Variants in ADGRG6 observed in about 807,000 individuals in gnomAD.
The protein encoded by ADGRG6 is G-protein coupled receptor 126.
ADGRG6 carries 84 observed loss-of-function variants against 142.4 expected under a neutral mutation model. That is an observed-to-expected ratio of 0.59 (90% CI 0.49 to 0.71). The LOEUF (loss-of-function observed/expected upper bound fraction) is 0.71, where lower values mean the gene tolerates loss of function less well. ADGRG6 is among the 30% of genes least tolerant of loss of function. The probability of loss-of-function intolerance (pLI) is 0.00; values close to 1 mark genes in which losing one functional copy is unlikely to be tolerated. For synonymous variants in ADGRG6, 521 were observed against 520.5 expected, an observed-to-expected ratio of 1.00 and a Z score of -0.01; for missense variants, 1,367 against 1,466.6, an observed-to-expected ratio of 0.93 and a Z score of 1.11.
Position 142,325,956 on chromosome 6 carries a change from G to GA in ADGRG6, c.103+16320dup, listed in dbSNP as rs547227173. Among the ~76,000 whole-genome samples the GA allele has an allele frequency of 6.7e-4, 101 of 151,246 alleles. No homozygotes were observed. In the East Asian group the frequency reaches 0.015, roughly 22 times the overall value. On this transcript the variant is annotated intron_variant, in intron 2 of 24. Coordinates refer to ENST00000367609, the MANE Select transcript of ADGRG6 (RefSeq NM_198569.3). ...TATTCATTTAAAACTATGTAAGGTAGAAAAAAAACCCACCTAAAATCTCAG... is the reference window on the plus strand; with the variant it reads ...TATTCATTTAAAACTATGTAAGGTAGAAAAAAAAACCCACCTAAAATCTCAG...
At chr6:142,442,885 A>G (rs1777825044) in intron 24 of ADGRG6, among the ~76,000 whole-genome samples, 1 of 152,072 alleles carries the variant, frequency 6.6e-6, no homozygotes, top group Non-Finnish European at 1.5e-5. Flanking sequence ...GCCCCTTGTA[A>G]CCATCAATTT....
chr6:142,440,007 A>G (rs149167567), intron 24 of ADGRG6, among the ~76,000 whole-genome samples: 2 of 152,304 alleles, frequency 1.3e-5, no homozygotes, highest in East Asian at 3.9e-4. Context: ...TCAGTTATTA[A>G]TGAATAGGAA....
chr6:142,305,077 A>G (rs1777416774), intron 1 of ADGRG6, among the ~76,000 whole-genome samples: 2 of 152,332 alleles, frequency 1.3e-5, no homozygotes, highest in Non-Finnish European at 2.9e-5. Context: ...TGAAGAAAAT[A>G]TGTATATTTG....
intron 10 of ADGRG6, among the ~76,000 whole-genome samples, chr6:142,399,344 C>T (rs1261317302): frequency 6.6e-6 from 1 of 152,124 alleles, no homozygotes; most frequent in Admixed American, 6.6e-5. Context: ...TGGATGAATG[C>T]AAATAATAAT....
intron 1 of ADGRG6, among the ~76,000 whole-genome samples, chr6:142,308,322 A>G (rs1487040123): frequency 1.3e-5 from 2 of 151,964 alleles, no homozygotes; most frequent in African/African-American, 2.4e-5. Flanking sequence ...AGCATAGTTC[A>G]TAAGTAGCAA....
At chr6:142,317,983 T>TAA (rs1424504848) in intron 2 of ADGRG6, among the ~76,000 whole-genome samples, 23 of 59,740 alleles carry the variant, frequency 3.9e-4, no homozygotes, top group African/African-American at 1.3e-3. Context: ...TATATTTATA[T>TAA]TACATATTTA....
In ADGRG6 at chr6:142,419,937, A is replaced by G; in HGVS notation, c.3152A>G (p.Asn1051Ser). The part of the protein sequence containing the change: ...IVVMVQICGR[N>S]GKRSNRTLRE... Reference sequence around the variant, plus strand: ...GTAATGGTGCAGATCTGTGGGAGGAATGGCAAGAGAAGCAACCGGACCCTG... The same window carrying G: ...GTAATGGTGCAGATCTGTGGGAGGAGTGGCAAGAGAAGCAACCGGACCCTG... The change falls in exon 22 of 25, where the codon AAT becomes AGT. Residue 1051 changes from asparagine (N) to serine (S), a missense_variant. By Grantham distance (46) the Asn-to-Ser change is conservative. Around this residue, in one of 3 missense-constraint regions of ADGRG6, gnomAD observed 344 missense variants for 348.7 expected, o/e 0.99. Coordinates refer to ENST00000367609, the MANE Select transcript of ADGRG6 (RefSeq NM_198569.3). 1 of 1,613,468 alleles carries G rather than the reference A, an allele frequency of 6.2e-7. No homozygotes were observed.
rs200512423 is a variant in ADGRG6, at chr6:142,438,393, T to C, written c.3574+29T>C. ...AGTCTAAAGATGTCCTCAAGTTTAG[T>C]TCTCATCACATTTTCATTGCAAAAA... On this transcript the variant is annotated intron_variant, in intron 24 of 24. Coordinates refer to ENST00000367609, the MANE Select transcript of ADGRG6 (RefSeq NM_198569.3). 5.6e-4 allele frequency: 839 copies of C among 1,495,756 alleles called. 1 individual carries two copies. In the Middle Eastern group the frequency reaches 9.1e-3, roughly 16 times the overall value. The allele number at this position is 1,495,756 out of a possible 1,614,324, so 92.7% of individuals were successfully genotyped here.
intron 1 of ADGRG6, among the ~76,000 whole-genome samples, chr6:142,304,354 A>G (rs1413224121): frequency 6.6e-6 from 1 of 152,090 alleles, no homozygotes; most frequent in Non-Finnish European, 1.5e-5. Context: ...GTGACTGCAT[A>G]TTTTTCATAC....
In ADGRG6 at chr6:142,445,930, A is replaced by G. The variant is rs374313167; in HGVS notation, c.*2415A>G. 1.3e-5 allele frequency: 2 copies of G among 152,244 alleles called. No homozygotes were observed. The highest frequency in any genetic ancestry group is 3.9e-4 in the East Asian group (2 of 5,188). 9.4% of individuals were successfully genotyped at this position (152,244 alleles called of 1,614,324 possible). A position where few individuals can be genotyped will look rare whatever the true frequency, so the allele number is the denominator to read the frequency against. ...TCCATTCTTGTCACCATTCACTTGCATTGTAAAGATTTTCTTTGTCTGTTG... is the reference window on the plus strand; with the variant it reads ...TCCATTCTTGTCACCATTCACTTGCGTTGTAAAGATTTTCTTTGTCTGTTG... On this transcript the variant is annotated 3_prime_UTR_variant, in exon 25 of 25. Transcript: ENST00000367609.
intron 2 of ADGRG6, among the ~76,000 whole-genome samples, chr6:142,350,582 T>A (rs1035833286): frequency 1.3e-5 from 2 of 152,198 alleles, no homozygotes; most frequent in Non-Finnish European, 2.9e-5. Context: ...CTCTTTAATA[T>A]TTATAATGTG....
intron 2 of ADGRG6, among the ~76,000 whole-genome samples, chr6:142,345,093 A>T (rs575723646): frequency 6.6e-6 from 1 of 152,176 alleles, no homozygotes; most frequent in East Asian, 1.9e-4. Flanking sequence ...TGTGAAAGTC[A>T]AAAGAGATGT....
intron 17 of ADGRG6, among the ~76,000 whole-genome samples, chr6:142,410,923 A>G (rs1487352338): frequency 1.3e-5 from 2 of 149,572 alleles, no homozygotes; most frequent in Non-Finnish European, 2.9e-5. Context: ...CTTTGTTCTT[A>G]TGTCTTCATG....
chr6:142,392,221 G>A (rs915249416), intron 7 of ADGRG6, among the ~76,000 whole-genome samples: 5 of 151,776 alleles, frequency 3.3e-5, no homozygotes, highest in African/African-American at 9.7e-5. Context: ...ATCACTATTC[G>A]GAGATGATAT....
intron 3 of ADGRG6, among the ~76,000 whole-genome samples, chr6:142,369,099 T>C (rs1781095085): frequency 6.6e-6 from 1 of 152,192 alleles, no homozygotes; most frequent in African/African-American, 2.4e-5. Context: ...AGAACTATTC[T>C]TGATGTACTG....
chr6:142,339,147 G>A (rs1229287290), intron 2 of ADGRG6, among the ~76,000 whole-genome samples: 1 of 152,142 alleles, frequency 6.6e-6, no homozygotes, highest in Admixed American at 6.5e-5. Context: ...TCATCTTTAT[G>A]TTTTTGAGTC....
intron 2 of ADGRG6, among the ~76,000 whole-genome samples, chr6:142,312,147 A>G (rs908890152): frequency 2.0e-5 from 3 of 151,972 alleles, no homozygotes; most frequent in African/African-American, 7.2e-5. Context: ...TTGTTTGTTA[A>G]TGTTTTGTTA....
At chr6:142,325,542 T>A (rs758973268) in intron 2 of ADGRG6, among the ~76,000 whole-genome samples, 1 of 152,172 alleles carries the variant, frequency 6.6e-6, no homozygotes, top group Non-Finnish European at 1.5e-5. Flanking sequence ...TGGAGCTTAT[T>A]TTTTGCAATA....
rs12110643 is a variant in ADGRG6, at chr6:142,363,412, G to A, written c.104-4157G>A. Among the ~76,000 whole-genome samples the A allele has an allele frequency of 9.2e-4, 140 of 152,096 alleles. 1 individual carries two copies. The highest frequency in any genetic ancestry group is 3.2e-3 in the African/African-American group (131 of 41,506). The stretch of plus-strand genomic sequence containing the variant: ...TTTATCAATTGAATTAGGCTTTGGC[G>A]TGACTGGAAGACTTTTCATTATAGA... On this transcript the variant is annotated intron_variant, in intron 2 of 24. Coordinates refer to ENST00000367609, the MANE Select transcript of ADGRG6 (RefSeq NM_198569.3).
Sources: allele counts gnomAD v4.1 joint callset (sites outside exome capture counted in the v4.1 genomes callset), GRCh38; gene constraint gnomAD v4.1.1; regional missense constraint gnomAD v4.1.1; transcripts MANE v1.5; gene names NCBI Gene and HGNC (gene_info 2026-07-23, HGNC 2026-07-21).